NSD2: variants seen among roughly 807,000 people sequenced by gnomAD.
NSD2 encodes nuclear receptor binding SET domain protein 2, also known as histone-lysine N-methyltransferase NSD2.
NSD2 carries 12 observed loss-of-function variants against 139.0 expected under a neutral mutation model. That is an observed-to-expected ratio of 0.09 (90% confidence interval 0.06 to 0.14). The LOEUF is 0.14. Ranked by LOEUF, NSD2 falls within the 10% of genes least tolerant of loss-of-function variation. The pLI, the probability that NSD2 is intolerant of heterozygous loss-of-function variation, is 1.00. For synonymous variants in NSD2, 669 were observed against 648.7 expected, an observed-to-expected ratio of 1.03 and a Z score of -0.48; for missense variants, 1,155 against 1,745.0, an observed-to-expected ratio of 0.66 and a Z score of 6.02.
At chr4:1,933,524 G>A (rs1453775602) in intron 6 of NSD2, among the ~76,000 whole-genome samples, 2 of 152,072 alleles carry the variant, frequency 1.3e-5, no homozygotes, top group East Asian at 3.9e-4. Flanking sequence ...CGAGTAGCTG[G>A]GACTACAGGC....
rs1483718251 is a variant in NSD2 at position 1,957,961 on chromosome 4, T to C, written c.2910T>C (p.Arg970=). 6.2e-7 allele frequency: 1 copy of C among 1,614,002 alleles called. No individual in the cohort carries two copies. The highest frequency in any genetic ancestry group is 1.3e-5 in the African/African-American group (1 of 74,918). ...TGCAAGAAGCTGAAGCTCGTTTTCG[T>C]GAAATTAAGCTTCAGAGGGAAGCCC... ...NALQEAEARF[R]EIKLQREARE... The change falls in exon 16 of 22, where the codon CGT becomes CGC. Residue 970 remains arginine, a synonymous_variant. Transcript: ENST00000508803.
At chr4:1,943,264 C>A in intron 9 of NSD2, 1 of 1,043,846 alleles carries the variant, frequency 9.6e-7, no homozygotes. Context: ...ACAGTTAATT[C>A]CCGGCAGATT....
Position 1,896,950 on chromosome 4 carries a change from C to T in NSD2, c.-29-3676C>T, listed in dbSNP as rs1045545810. Among the ~76,000 whole-genome samples the T allele has an allele frequency of 6.6e-5, 10 of 151,942 alleles. No individual in the cohort carries two copies. In the South Asian group the frequency reaches 1.5e-3, roughly 22 times the overall value. ...CTTTGAAAGGCCAAGGCGGGTGGAT[C>T]GCTTGAGCCCAGGAGTTGGAGACCA... On this transcript the variant is annotated intron_variant, in intron 1 of 21. Transcript: ENST00000508803.
chr4:1,950,370 C>T (rs769395256), intron 9 of NSD2, among the ~76,000 whole-genome samples: 2 of 152,176 alleles, frequency 1.3e-5, no homozygotes, highest in Non-Finnish European at 2.9e-5. Context: ...TTTACCTAGA[C>T]TCAGATGTGA....
At chr4:1,908,715 C>T (rs1718266969) in intron 3 of NSD2, among the ~76,000 whole-genome samples, 1 of 152,106 alleles carries the variant, frequency 6.6e-6, no homozygotes, top group Admixed American at 6.6e-5. Context: ...GCACAGGTCC[C>T]CATTGTCACT....
At chr4:1,917,060 A>G (rs572182957) in intron 4 of NSD2, 23 bp downstream of exon 4, 35 of 1,553,326 alleles carry the variant, frequency 2.3e-5, no homozygotes, top group South Asian at 9.8e-5. Flanking sequence ...CCTTCAGTCT[A>G]CTTTTAGACC....
intron 1 of NSD2, among the ~76,000 whole-genome samples, chr4:1,878,064 TAC>T (rs1011451800): frequency 1.3e-5 from 2 of 150,538 alleles, no homozygotes; most frequent in Admixed American, 1.3e-4. Context: ...ATTATATATA[TAC>T]ACACACACTT....
At chr4:1,881,476 G>T (rs1030328533) in intron 1 of NSD2, among the ~76,000 whole-genome samples, 1 of 152,180 alleles carries the variant, frequency 6.6e-6, no homozygotes, top group Non-Finnish European at 1.5e-5. Context: ...TGTTAGCCAG[G>T]ATGGTCTCGA....
rs1256682228 is a variant in NSD2 at position 1,948,245 on chromosome 4, CAG to C, written c.1882-2824_1882-2823del. ...CGGGAAACAACGGGAAAGTTCTTGA[CAG>C]AGTCTGTGTCCGCTCAGTCCCTGCA... On this transcript the variant is annotated intron_variant, in intron 9 of 21. Transcript: ENST00000508803. This position sits in a 1 kb window ranked among gnomAD's most constrained non-coding sequence, Gnocchi z 4.5. 2.8e-6 allele frequency: 3 copies of C among 1,064,636 alleles called. No homozygotes were observed. The highest frequency in any genetic ancestry group is 1.6e-5 in the African/African-American group (1 of 60,984). 65.9% of individuals were successfully genotyped at this position (1,064,636 alleles called of 1,614,324 possible).
At chr4:1,938,764 G>A (rs562043271) in intron 8 of NSD2, among the ~76,000 whole-genome samples, 1 of 152,266 alleles carries the variant, frequency 6.6e-6, no homozygotes, top group African/African-American at 2.4e-5. Flanking sequence ...AAATTTTATT[G>A]AAGTTACTTT....
In NSD2 at chr4:1,958,094, G is replaced by A; in HGVS notation, c.2985+58G>A. 1.3e-6 allele frequency: 2 copies of A among 1,557,726 alleles called. No homozygotes were observed. The highest frequency in any genetic ancestry group is 1.8e-6 in the Non-Finnish European group (2 of 1,135,302). ...AGGGAGTCTTCCCCGAGGGCCGTGAGAGGTTCTTAGGCACACCCAGGCTAT... is the reference window on the plus strand; with the variant it reads ...AGGGAGTCTTCCCCGAGGGCCGTGAAAGGTTCTTAGGCACACCCAGGCTAT... On this transcript the variant is annotated intron_variant, in intron 16 of 21. Coordinates refer to ENST00000508803, the MANE Select transcript of NSD2 (RefSeq NM_001042424.3). This position sits in a 1 kb window ranked among gnomAD's most constrained non-coding sequence, Gnocchi z 4.6.
chr4:1,907,648 TCTCA>T (rs1718110970), intron 3 of NSD2, among the ~76,000 whole-genome samples: 1 of 134,142 alleles, frequency 7.5e-6, no homozygotes, highest in Non-Finnish European at 1.6e-5. Flanking sequence ...TGTGACACAG[TCTCA>T]CTCTGTTGCC....
chr4:1,896,767 TTC>T lies in NSD2; in HGVS notation c.-29-3855_-29-3854del, dbSNP rs1194169766. On this transcript the variant is annotated intron_variant, in intron 1 of 21. Coordinates refer to ENST00000508803, the MANE Select transcript of NSD2 (RefSeq NM_001042424.3). ...TTCTCTTTCTTTCTTTCCTTCTTTC[TTC>T]TCTTTTTTTTCTTTTCTTTTCTTTC... Among the ~76,000 whole-genome samples the T allele has an allele frequency of 4.0e-5, 6 of 151,552 alleles. No individual in the cohort carries two copies. In the East Asian group the frequency reaches 5.8e-4, roughly 15 times the overall value.
At chr4:1,883,243 C>A (rs1293038215) in intron 1 of NSD2, among the ~76,000 whole-genome samples, 1 of 151,986 alleles carries the variant, frequency 6.6e-6, no homozygotes, top group African/African-American at 2.4e-5. Flanking sequence ...AAGAGAAAGC[C>A]CATTAAGAAA....
At chr4:1,887,935 C>G (rs963643470) in intron 1 of NSD2, among the ~76,000 whole-genome samples, 2 of 151,708 alleles carry the variant, frequency 1.3e-5, no homozygotes, top group Non-Finnish European at 2.9e-5. Flanking sequence ...CTGTGATGAC[C>G]TTTCTCCCAG....
intron 18 of NSD2, among the ~76,000 whole-genome samples, chr4:1,971,636 C>T (rs1470485990): frequency 6.6e-6 from 1 of 152,264 alleles, no homozygotes; most frequent in East Asian, 1.9e-4. Context: ...CGAGCCAGGG[C>T]GTGGACCTGT....
At chr4:1,881,303 C>T (rs1714676434) in intron 1 of NSD2, among the ~76,000 whole-genome samples, 1 of 152,194 alleles carries the variant, frequency 6.6e-6, no homozygotes, top group Non-Finnish European at 1.5e-5. Context: ...CTTTCCATCA[C>T]ACAGGCTGGA....
intron 5 of NSD2, among the ~76,000 whole-genome samples, chr4:1,921,286 C>T (rs1464048701): frequency 3.3e-5 from 5 of 151,966 alleles, no homozygotes; most frequent in Admixed American, 6.6e-5. Flanking sequence ...GGTGAAACCC[C>T]GTCTCTACCA....
rs117145805 is a variant in NSD2 at position 1,963,923 on chromosome 4, A to G, written c.3372+2772A>G. Among the ~76,000 whole-genome samples the G allele has an allele frequency of 3.9e-5, 6 of 152,314 alleles. No individual in the cohort carries two copies. In the East Asian group the frequency reaches 1.2e-3, roughly 29 times the overall value. On this transcript the variant is annotated intron_variant, in intron 18 of 21. Coordinates refer to ENST00000508803, the MANE Select transcript of NSD2 (RefSeq NM_001042424.3). Reference sequence around the variant, plus strand: ...TGAGGCAGGAGGACTGCTTGAGCCCAGGAGTTTAAGACTGCTGTGAACTAT... The same window carrying G: ...TGAGGCAGGAGGACTGCTTGAGCCCGGGAGTTTAAGACTGCTGTGAACTAT...
Sources: allele counts gnomAD v4.1 joint callset (sites outside exome capture counted in the v4.1 genomes callset), GRCh38; gene constraint gnomAD v4.1.1; non-coding constraint Gnocchi (gnomAD v3.1); transcripts MANE v1.5; gene names NCBI Gene and HGNC (gene_info 2026-07-23, HGNC 2026-07-21).